The following SHANK2 variants were observed in gnomAD, a reference collection of about 807,000 sequenced individuals.
SHANK2 encodes SH3 and multiple ankyrin repeat domains protein 2.
A neutral mutation model predicts 133.7 loss-of-function variants in SHANK2; 43 were observed. The ratio of observed to expected loss-of-function variants is 0.32; its 90% CI spans 0.25 to 0.41. The LOEUF (loss-of-function observed/expected upper bound fraction) is 0.41, where lower values mean the gene tolerates loss of function less well. Ranked by LOEUF, SHANK2 falls within the 10% of genes least tolerant of loss-of-function variation. The probability of loss-of-function intolerance (pLI) is 1.00; values close to 1 mark genes in which losing one functional copy is unlikely to be tolerated. For synonymous variants in SHANK2, 1,017 were observed against 952.8 expected (o/e 1.07, Z -1.24); for missense variants, 1,994 against 2,235.8 (o/e 0.89, Z 2.18).
chr11:70,891,290 A>G (rs1949841532), intron 11 of SHANK2, among the ~76,000 whole-genome samples: 2 of 152,152 alleles, frequency 1.3e-5, no homozygotes, highest in Non-Finnish European at 2.9e-5. Context: ...CGAGGCGGGC[A>G]GATCACGAGG....
At chr11:71,184,460 G>C (rs1250008469) in intron 2 of SHANK2, among the ~76,000 whole-genome samples, 1 of 152,152 alleles carries the variant, frequency 6.6e-6, no homozygotes, top group Non-Finnish European at 1.5e-5. Flanking sequence ...TGAATGTCGG[G>C]GCTGGGTTCA....
At chr11:70,865,621 G>A (rs79337696) in intron 11 of SHANK2, among the ~76,000 whole-genome samples, 112 of 152,250 alleles carry the variant, frequency 7.4e-4, no homozygotes, top group African/African-American at 2.5e-3. Flanking sequence ...GCAGCAGAGG[G>A]TGGGGCCACA....
chr11:70,486,179 C>G lies in SHANK2; in HGVS notation c.4114G>C (p.Gly1372Arg), dbSNP rs782434642. 2.5e-6 allele frequency: 4 copies of G among 1,613,186 alleles called. No individual in the cohort carries two copies. In the South Asian group the frequency reaches 3.3e-5, roughly 13 times the overall value. The change falls in exon 25 of 26, where the codon GGC becomes CGC. Residue 1372 changes from glycine (G) to arginine (R), a missense_variant. Physicochemically the swap from Gly to Arg is moderately radical, Grantham distance 125. Transcript: ENST00000601538. This position sits in a 1 kb window ranked among gnomAD's most constrained non-coding sequence, Gnocchi z 8.0. ...GAGCCCACCGCGACGATGGTTCTGC[C>G]GGGCACGGTGGTGGGCTCGGGGGCA... ...SAAPEPTTVP[G>R]RTIVAVGSME...
At chr11:71,138,232 G>A (rs1190267529) in intron 3 of SHANK2, among the ~76,000 whole-genome samples, 6 of 152,120 alleles carry the variant, frequency 3.9e-5, no homozygotes, top group South Asian at 2.1e-4. Flanking sequence ...TGCACCGGCC[G>A]TCCAGAGCCC....
intron 8 of SHANK2, among the ~76,000 whole-genome samples, chr11:71,077,132 C>A (rs1236264195): frequency 1.3e-5 from 2 of 152,336 alleles, no homozygotes; most frequent in East Asian, 3.9e-4. Flanking sequence ...ACTCCCTCCC[C>A]TCACCCAGTC....
chr11:70,793,135 T>C (rs567978512), intron 14 of SHANK2, among the ~76,000 whole-genome samples: 5 of 152,306 alleles, frequency 3.3e-5, no homozygotes, highest in South Asian at 2.1e-4. Flanking sequence ...TTAAAAACCC[T>C]TCTACTCATT....
Position 70,486,533 on chromosome 11 carries a change from G to C in SHANK2, c.3760C>G (p.Arg1254Gly). ...GGGAAGCCGGCATCCAGGCTGGGCC[G>C]CATTTTGGTATCAATGTAAAGAGGT... is the stretch of plus-strand genomic sequence containing the variant. ...NKPLYIDTKM[R>G]PSLDAGFPTV... Residue 1254 changes from arginine (R) to glycine (G), a missense_variant, in exon 25 of 26, where the codon CGG (arginine) becomes GGG (glycine). By Grantham distance (125) the Arg-to-Gly change is moderately radical (BLOSUM62 -2). Transcript: ENST00000601538. The surrounding 1 kb of genome is among the most constrained non-coding windows in gnomAD (Gnocchi z 8.0). 2.5e-6 allele frequency: 4 copies of C among 1,614,108 alleles called. No individual in the cohort carries two copies. The highest frequency in any genetic ancestry group is 3.4e-6 in the Non-Finnish European group (4 of 1,180,036).
intron 11 of SHANK2, among the ~76,000 whole-genome samples, chr11:70,885,007 C>T (rs1949715895): frequency 6.6e-6 from 1 of 152,228 alleles, no homozygotes; most frequent in African/African-American, 2.4e-5. Context: ...AGGCGTGAGA[C>T]ACTGCGCCCA....
At chr11:71,101,990 C>T (rs184614214) in intron 6 of SHANK2, among the ~76,000 whole-genome samples, 27 of 152,264 alleles carry the variant, frequency 1.8e-4, no homozygotes, top group Non-Finnish European at 3.4e-4. Context: ...AATCTGGATC[C>T]GTAAAGGAAC....
At chr11:70,865,322 G>A (rs1022205816) in intron 11 of SHANK2, among the ~76,000 whole-genome samples, 22 of 152,078 alleles carry the variant, frequency 1.4e-4, no homozygotes, top group Non-Finnish European at 4.4e-5. Flanking sequence ...AACCATTCTA[G>A]AGAAAAGCAA....
intron 9 of SHANK2, among the ~76,000 whole-genome samples, chr11:71,065,352 G>C (rs1322571750): frequency 1.4e-5 from 2 of 145,928 alleles, no homozygotes; most frequent in African/African-American, 2.5e-5. Context: ...GAAGTTGTGG[G>C]GGTGTGTGTG....
At chr11:70,606,407 AG>A in intron 17 of SHANK2, among the ~76,000 whole-genome samples, 1 of 146,720 alleles carries the variant, frequency 6.8e-6, no homozygotes, top group South Asian at 2.2e-4. Flanking sequence ...AAAAATTAGC[AG>A]GGTGTGGTGG....
chr11:71,134,215 G>C (rs115879688), intron 3 of SHANK2, among the ~76,000 whole-genome samples: 1 of 151,420 alleles, frequency 6.6e-6, no homozygotes, highest in Admixed American at 6.6e-5. Context: ...CTCAGTCCAC[G>C]TGCGGTGCCA....
At chr11:70,618,996 G>A (rs1476772461) in intron 17 of SHANK2, among the ~76,000 whole-genome samples, 1 of 152,164 alleles carries the variant, frequency 6.6e-6, no homozygotes, top group East Asian at 1.9e-4. Flanking sequence ...GCCGTGCACA[G>A]CCGCCCCAGT....
At chr11:70,609,687 A>G (rs1009618431) in intron 17 of SHANK2, among the ~76,000 whole-genome samples, 15 of 151,278 alleles carry the variant, frequency 9.9e-5, no homozygotes, top group African/African-American at 3.6e-4. Flanking sequence ...TATCTTGTAT[A>G]TACTGTATAT....
rs2058581602 is a variant in SHANK2, at chr11:70,470,274, A to ATAAAC, written c.*2590_*2594dup. On this transcript the variant is annotated 3_prime_UTR_variant, in exon 26 of 26. Coordinates refer to ENST00000601538, the MANE Select transcript of SHANK2 (RefSeq NM_012309.5). ...TTCTCTATAATAAGACAGTGTAAAA[A>ATAAAC]TAAACTATGTTATCAGCTCTTTAGT... 6.6e-6 allele frequency: 1 copy of ATAAAC among 152,368 alleles called. No individual in the cohort carries two copies. Among genetic ancestry groups the ATAAAC allele is most frequent in the Non-Finnish European group, 1.5e-5 (1 of 68,052 alleles). The allele number at this position is 152,368 out of a possible 1,614,324, so 9.4% of individuals were successfully genotyped here. A position where few individuals can be genotyped will look rare whatever the true frequency, so the allele number is the denominator to read the frequency against.
At position 71,094,566 on chromosome 11, in the gene SHANK2, C is replaced by A. The variant is rs782621121; in HGVS notation, c.715G>T (p.Ala239Ser). Reference sequence around the variant, plus strand: ...AGGGCAACTTGGTTCCTCGCTCGGGCAGCTTTGTGTAGGGCGGTCATCCCA... The same window carrying A: ...AGGGCAACTTGGTTCCTCGCTCGGGAAGCTTTGTGTAGGGCGGTCATCCCA... ...KDGMTALHKA[A>S]RARNQVALKT... The change falls in exon 7 of 26, where the codon GCC (alanine) becomes TCC (serine). Residue 239 changes from alanine (A) to serine (S), a missense_variant. Ala to Ser is a moderately conservative substitution (Grantham distance 99, BLOSUM62 1). Transcript: ENST00000601538. The A allele has an allele frequency of 1.3e-6, 2 of 1,551,436 alleles. No homozygotes were observed. The highest frequency in any genetic ancestry group is 1.7e-6 in the Non-Finnish European group (2 of 1,146,850).
intron 8 of SHANK2, among the ~76,000 whole-genome samples, chr11:71,086,029 TTA>T (rs1456963035): frequency 3.3e-5 from 3 of 91,234 alleles, no homozygotes; most frequent in African/African-American, 9.0e-5. Flanking sequence ...ATATTATATG[TTA>T]TATATATTAT....
intron 6 of SHANK2, among the ~76,000 whole-genome samples, chr11:71,098,324 T>C (rs1951663229): frequency 6.6e-6 from 1 of 152,198 alleles, no homozygotes; most frequent in South Asian, 2.1e-4. Context: ...CACACCCGTG[T>C]GTGTGCTCCT....
Sources: allele counts gnomAD v4.1 joint callset (sites outside exome capture counted in the v4.1 genomes callset), GRCh38; gene constraint gnomAD v4.1.1; non-coding constraint Gnocchi (gnomAD v3.1); transcripts MANE v1.5; gene names NCBI Gene and HGNC (gene_info 2026-07-23, HGNC 2026-07-21).